The following WWP2 variants were observed in gnomAD, a reference collection of about 807,000 sequenced individuals.
WWP2 encodes the protein WW domain containing E3 ubiquitin protein ligase 2.
WWP2 carries 57 observed loss-of-function variants against 121.0 expected under a neutral mutation model. The ratio of observed to expected loss-of-function variants is 0.47; its 90% CI spans 0.38 to 0.59. The LOEUF (loss-of-function observed/expected upper bound fraction) is 0.59. Ranked by LOEUF, WWP2 falls within the 20% of genes least tolerant of loss-of-function variation. The pLI is 0.00. For missense variants in WWP2, 962 were observed against 1,158.9 expected (o/e 0.83, Z 2.47); for synonymous variants, 449 against 441.3 (o/e 1.02, Z -0.22).
chr16:69,791,072 G>A (rs2151800468), intron 2 of WWP2, among the ~76,000 whole-genome samples: 1 of 152,150 alleles, frequency 6.6e-6, no homozygotes, highest in South Asian at 2.1e-4. Flanking sequence ...AACTAATATG[G>A]TTTTAAACTG....
At chr16:69,862,363 C>G (rs776912111) in intron 6 of WWP2, among the ~76,000 whole-genome samples, 68 of 152,270 alleles carry the variant, frequency 4.5e-4, no homozygotes, top group Non-Finnish European at 7.4e-4. Context: ...CCGCGCCTGG[C>G]CCTTGTTTTG....
intron 1 of WWP2, among the ~76,000 whole-genome samples, chr16:69,765,776 A>G (rs1200954212): frequency 6.6e-6 from 1 of 152,056 alleles, no homozygotes; most frequent in Non-Finnish European, 1.5e-5. Context: ...GTGAACCAAG[A>G]TCGCGCCACT....
At chr16:69,823,585 A>G (rs2056631516) in intron 4 of WWP2, among the ~76,000 whole-genome samples, 1 of 151,758 alleles carries the variant, frequency 6.6e-6, no homozygotes, top group South Asian at 2.1e-4. Context: ...CTCCTGCCTC[A>G]GCCTCCCAAG....
At chr16:69,917,621 G>C (rs138376334) in intron 9 of WWP2, 88 bp from the exon 10 acceptor site, 2 of 1,492,450 alleles carry the variant, frequency 1.3e-6, no homozygotes, top group African/African-American at 2.8e-5. Flanking sequence ...GGGCCTGCCC[G>C]GCTGTGCTAG....
At chr16:69,801,510 CA>C (rs1204768397) in intron 4 of WWP2, among the ~76,000 whole-genome samples, 1 of 151,996 alleles carries the variant, frequency 6.6e-6, no homozygotes, top group Non-Finnish European at 1.5e-5. Flanking sequence ...GCTGGGATTA[CA>C]GATGCGAGCC....
At chr16:69,893,337 CA>C (rs1178108574) in intron 8 of WWP2, among the ~76,000 whole-genome samples, 4 of 152,196 alleles carry the variant, frequency 2.6e-5, no homozygotes, top group African/African-American at 9.7e-5. Context: ...GACATGTTTG[CA>C]ATGAATGGAT....
intron 5 of WWP2, among the ~76,000 whole-genome samples, chr16:69,841,057 T>G (rs1327237303): frequency 2.0e-5 from 3 of 152,238 alleles, no homozygotes; most frequent in Non-Finnish European, 4.4e-5. Context: ...GAAAAACATG[T>G]GTCATTCACT....
intron 9 of WWP2, chr16:69,909,112 T>A (rs2058343958): frequency 2.6e-6 from 3 of 1,159,952 alleles, no homozygotes; most frequent in Non-Finnish European, 3.2e-6. Context: ...CCGTACCCTA[T>A]GCCCAGCCTG....
Position 69,842,131 on chromosome 16 carries a change from C to T in WWP2, c.575+11C>T. 1 of 1,610,460 alleles carries T rather than the reference C, an allele frequency of 6.2e-7. No individual in the cohort carries two copies. The highest frequency in any genetic ancestry group is 1.7e-4 in the Middle Eastern group (1 of 6,060). ...TGGTGGAAGATCCCGGTAAGACCCC[C>T]CTTGGTGAGGACAAAGAGCTAAGAA... is the stretch of plus-strand genomic sequence containing the variant. On this transcript the variant is annotated intron_variant, in intron 6 of 23. Coordinates refer to ENST00000359154, the MANE Select transcript of WWP2 (RefSeq NM_001270454.2).
At chr16:69,842,343 T>C (rs1361584230) in intron 6 of WWP2, among the ~76,000 whole-genome samples, 1 of 152,104 alleles carries the variant, frequency 6.6e-6, no homozygotes, top group Admixed American at 6.6e-5. Context: ...TTTGTTTTTA[T>C]TTTAGATTCA....
At chr16:69,818,977 C>T (rs1596995147) in intron 4 of WWP2, among the ~76,000 whole-genome samples, 1 of 152,188 alleles carries the variant, frequency 6.6e-6, no homozygotes, top group East Asian at 1.9e-4. Context: ...CTGTTGAAAT[C>T]TGAGTCACCT....
intron 2 of WWP2, 53 bp from the exon 3 acceptor site, chr16:69,798,629 G>T: frequency 6.4e-7 from 1 of 1,557,420 alleles, no homozygotes; most frequent in Admixed American, 1.8e-5. Flanking sequence ...CCACAGGGGG[G>T]CATCTGGGAG....
intron 19 of WWP2, chr16:69,936,874 T>G (rs1051303681): frequency 1.9e-6 from 1 of 519,676 alleles, no homozygotes; most frequent in Admixed American, 3.4e-5. Context: ...TGAGGTTCAG[T>G]CGGCGCTGGG....
At chr16:69,853,977 G>A (rs544401916) in intron 6 of WWP2, among the ~76,000 whole-genome samples, 1 of 152,330 alleles carries the variant, frequency 6.6e-6, no homozygotes, top group South Asian at 2.1e-4. Flanking sequence ...TTCTCTGAAA[G>A]TGCACCCATA....
rs113940832 is a variant in WWP2 at position 69,877,928 on chromosome 16, C to T, written c.703+5997C>T. ...GTTCAAGCGATTCTCCTGCCTCAGC[C>T]CCCCCAGTAGCTGGGATTATAGGCG... On this transcript the variant is annotated intron_variant, in intron 7 of 23. Transcript: ENST00000359154. Among the ~76,000 whole-genome samples the T allele has an allele frequency of 3.1e-3, 471 of 152,198 alleles. 8 individuals carry two copies. The highest frequency in any genetic ancestry group is 0.01 in the African/African-American group (428 of 41,518).
intron 1 of WWP2, among the ~76,000 whole-genome samples, chr16:69,764,568 T>C (rs937165684): frequency 3.0e-4 from 45 of 152,156 alleles, no homozygotes; most frequent in African/African-American, 1.0e-3. Flanking sequence ...ACAGAAAAAG[T>C]TGTGAATGTA....
chr16:69,840,193 G>A lies in WWP2; in HGVS notation c.408G>A (p.Glu136=). The A allele has an allele frequency of 6.2e-7, 1 of 1,614,274 alleles. No homozygotes were observed. The change falls in exon 5 of 24, where the codon GAG becomes GAA. Residue 136 remains glutamate (E), a synonymous_variant. Transcript: ENST00000359154. ...AAGGCAGCGTTGTCTCAGGCGGAGA[G>A]CTGACAATTTTCCTGGACGGGCCAA... ...ENKGSVVSGG[E]LTIFLDGPTV... is the part of the protein sequence containing the mutation.
At chr16:69,826,723 CAA>C (rs201663365) in intron 4 of WWP2, among the ~76,000 whole-genome samples, 1,795 of 136,306 alleles carry the variant, frequency 0.013, 20 homozygotes, top group Admixed American at 0.035. Context: ...AATAAAAATA[CAA>C]AAAAAAAAAA....
intron 21 of WWP2, 122 bp from the exon 22 acceptor site, chr16:69,938,905 C>A: frequency 1.2e-6 from 1 of 822,196 alleles, no homozygotes; most frequent in Non-Finnish European, 2.0e-6. Flanking sequence ...CATCCCCTGG[C>A]CAACCTGGCT....
Sources: gnomAD v4.1 joint callset for allele counts (sites outside exome capture counted in the v4.1 genomes callset) on GRCh38, gnomAD v4.1.1 for gene constraint, MANE v1.5 for transcripts, NCBI Gene and HGNC (gene_info 2026-07-23, HGNC 2026-07-21) for gene names.